DLC1: variants seen among roughly 807,000 people sequenced by gnomAD.
DLC1 encodes DLC1 Rho GTPase activating protein.
DLC1 carries 54 observed loss-of-function variants against 140.3 expected under a neutral mutation model. The observed-to-expected ratio is 0.38, with a 90% CI of 0.31 to 0.48. The LOEUF (loss-of-function observed/expected upper bound fraction) is 0.48. Among genes scored for constraint, DLC1 ranks in the 20% least tolerant of loss-of-function variants. The pLI, the probability that DLC1 is intolerant of heterozygous loss-of-function variation, is 0.96. For missense variants in DLC1, 2,536 were observed against 1,907.0 expected, an observed-to-expected ratio of 1.33 and a Z score of -6.14; for synonymous variants, 986 against 728.1, an observed-to-expected ratio of 1.35 and a Z score of -5.70.
At position 13,098,514 on chromosome 8, in the gene DLC1, G is replaced by C; in HGVS notation, c.3052C>G (p.Leu1018Val). The C allele has an allele frequency of 6.2e-7, 1 of 1,614,204 alleles. No individual in the cohort carries two copies. The highest frequency in any genetic ancestry group is 8.5e-7 in the Non-Finnish European group (1 of 1,180,004). The part of the protein sequence containing the change: ...SHRPSLNSVS[L>V]QINCQSVAQM... ...GCCACAGACTGGCAGTTAATCTGTA[G>C]TGATACAGAGTTGAGGCTTGGCCGA... The change falls in exon 10 of 18, where the codon CTA (leucine) becomes GTA (valine). Residue 1018 changes from leucine (L) to valine (V), a missense_variant. Physicochemically the swap from Leu to Val is conservative, Grantham distance 32. Transcript: ENST00000276297.
intron 5 of DLC1, among the ~76,000 whole-genome samples, chr8:13,140,075 T>C (rs918916992): frequency 6.6e-6 from 1 of 152,118 alleles, no homozygotes; most frequent in African/African-American, 2.4e-5. Context: ...CCCCAGCCCC[T>C]GGTAACCATT....
intron 4 of DLC1, among the ~76,000 whole-genome samples, chr8:13,323,694 C>T (rs180918266): frequency 6.6e-6 from 1 of 152,206 alleles, no homozygotes; most frequent in Non-Finnish European, 1.5e-5. Flanking sequence ...ATATGGTATT[C>T]GTGCCCTTTT....
chr8:13,592,426 C>G (rs545797436), intron 1 of DLC1, among the ~76,000 whole-genome samples: 1 of 151,886 alleles, frequency 6.6e-6, no homozygotes, highest in South Asian at 2.1e-4. Context: ...TTTTTTGTAG[C>G]AAACATATGG....
At position 13,594,169 on chromosome 8, in the gene DLC1, GA is replaced by G. The variant is rs1805611609; in HGVS notation, c.-126+10367del. On this transcript the variant is annotated intron_variant, in intron 1 of 1. Coordinates refer to the DLC1 transcript ENST00000631382. ...GAGCGAGACCTGGTCTCAAAAGAAG[GA>G]AAAAAGATCCTCTTTTTATATGATA... Among the ~76,000 whole-genome samples the G allele has an allele frequency of 2.0e-5, 3 of 151,834 alleles. No homozygotes were observed. In the South Asian group the frequency reaches 6.2e-4, roughly 32 times the overall value.
chr8:13,177,094 C>G (rs896368501), intron 5 of DLC1, among the ~76,000 whole-genome samples: 3 of 152,072 alleles, frequency 2.0e-5, no homozygotes, highest in Non-Finnish European at 4.4e-5. Context: ...CTTAACTCTC[C>G]CATAATTTTT....
intron 5 of DLC1, among the ~76,000 whole-genome samples, chr8:13,284,234 G>A (rs2583104): frequency 0.68 from 103,859 of 152,136 alleles, 36,088 homozygotes; most frequent in East Asian, 0.92. Flanking sequence ...GAAAAAAATA[G>A]TTAAGATAAC....
At chr8:13,599,030 A>G (rs1296289475) in intron 1 of DLC1, among the ~76,000 whole-genome samples, 1 of 151,926 alleles carries the variant, frequency 6.6e-6, no homozygotes, top group African/African-American at 2.4e-5. Context: ...CTAAGGTACC[A>G]AAGAAGAACG....
intron 1 of DLC1, among the ~76,000 whole-genome samples, chr8:13,588,362 A>G (rs1184333788): frequency 6.6e-6 from 1 of 152,078 alleles, no homozygotes; most frequent in East Asian, 1.9e-4. Context: ...GGAGGAAGTC[A>G]TTATTTTGAA....
intron 2 of DLC1, among the ~76,000 whole-genome samples, chr8:13,445,495 C>G (rs1430267735): frequency 6.6e-6 from 1 of 152,178 alleles, no homozygotes; most frequent in East Asian, 1.9e-4. Flanking sequence ...CTACCCTCAA[C>G]TCAAAGGTAT....
intron 5 of DLC1, among the ~76,000 whole-genome samples, chr8:13,179,144 A>T (rs1825906865): frequency 6.6e-6 from 1 of 152,322 alleles, no homozygotes; most frequent in South Asian, 2.1e-4. Flanking sequence ...TTTCATGAGT[A>T]TAACAGTGAG....
intron 4 of DLC1, among the ~76,000 whole-genome samples, chr8:13,333,627 T>C: frequency 6.6e-6 from 1 of 152,184 alleles, no homozygotes; most frequent in Non-Finnish European, 1.5e-5. Context: ...CTCCTGCTTG[T>C]AACAGAACTA....
At chr8:13,433,954 C>A (rs1392546857) in intron 2 of DLC1, among the ~76,000 whole-genome samples, 2 of 152,228 alleles carry the variant, frequency 1.3e-5, no homozygotes, top group African/African-American at 4.8e-5. Context: ...CTCCTGGGTT[C>A]AAGCAATTCT....
intron 1 of DLC1, among the ~76,000 whole-genome samples, chr8:13,547,433 T>C (rs1401346779): frequency 1.3e-5 from 2 of 152,028 alleles, no homozygotes; most frequent in African/African-American, 4.8e-5. Flanking sequence ...AGAAAATGAC[T>C]GCCTCTGTTA....
intron 1 of DLC1, among the ~76,000 whole-genome samples, chr8:13,500,876 C>G (rs1020798193): frequency 2.0e-5 from 3 of 152,178 alleles, no homozygotes; most frequent in Admixed American, 6.5e-5. Context: ...CTACTACTAG[C>G]TTGCAAGCTG....
intron 2 of DLC1, among the ~76,000 whole-genome samples, chr8:13,440,779 C>T (rs1798471496): frequency 6.6e-6 from 1 of 152,098 alleles, no homozygotes; most frequent in African/African-American, 2.4e-5. Flanking sequence ...AAGGGTTTAT[C>T]AGGGGATTCT....
chr8:13,583,315 C>G (rs988647526), intron 1 of DLC1, among the ~76,000 whole-genome samples: 8 of 152,160 alleles, frequency 5.3e-5, no homozygotes, highest in African/African-American at 1.9e-4. Context: ...GGTGTCATCA[C>G]AACAATTTTC....
chr8:13,124,695 A>G (rs1821406297), intron 5 of DLC1, among the ~76,000 whole-genome samples: 3 of 152,328 alleles, frequency 2.0e-5, no homozygotes, highest in African/African-American at 2.4e-5. Context: ...CTGTTGCTTC[A>G]TCTATAAAAC....
At chr8:13,464,528 T>C (rs76791564) in intron 2 of DLC1, among the ~76,000 whole-genome samples, 3,396 of 151,998 alleles carry the variant, frequency 0.022, 64 homozygotes, top group Non-Finnish European at 0.036. Flanking sequence ...ACACGAAACA[T>C]ATGTCCCATA....
intron 4 of DLC1, among the ~76,000 whole-genome samples, chr8:13,306,649 A>G (rs1003866839): frequency 2.6e-5 from 4 of 151,936 alleles, no homozygotes; most frequent in African/African-American, 4.8e-5. Flanking sequence ...AAGAGCATCA[A>G]TCTTCATTTC....
Sources: gnomAD v4.1 joint callset for allele counts (sites outside exome capture counted in the v4.1 genomes callset) on GRCh38, gnomAD v4.1.1 for gene constraint, MANE v1.5 for transcripts, NCBI Gene and HGNC (gene_info 2026-07-23, HGNC 2026-07-21) for gene names.